SLC17A8: variants seen among roughly 807,000 people sequenced by gnomAD.
The protein encoded by SLC17A8 is solute carrier family 17 member 8, also known as vesicular glutamate transporter 3.
In SLC17A8, 31 loss-of-function variants were observed where a neutral mutation model predicts 58.0. That is an observed-to-expected ratio of 0.53 (90% CI 0.40 to 0.72). The LOEUF is 0.72. Among genes scored for constraint, SLC17A8 ranks in the 30% least tolerant of loss-of-function variants. The probability of loss-of-function intolerance (pLI) is 0.00; values close to 1 mark genes in which losing one functional copy is unlikely to be tolerated. For missense variants in SLC17A8, 655 were observed against 727.8 expected (o/e 0.90, Z 1.15); for synonymous variants, 228 against 249.0 (o/e 0.92, Z 0.79).
intron 9 of SLC17A8, among the ~76,000 whole-genome samples, chr12:100,406,758 A>T (rs1952828672): frequency 6.6e-6 from 1 of 150,574 alleles, no homozygotes; most frequent in Non-Finnish European, 1.5e-5. Flanking sequence ...CTGGTCTCAA[A>T]CTCCTGACCT....
intron 9 of SLC17A8, chr12:100,404,515 C>T (rs1395680767): frequency 4.5e-6 from 1 of 222,390 alleles, no homozygotes; most frequent in Non-Finnish European, 9.2e-6. Flanking sequence ...CACACACACA[C>T]ACACACACAC....
intron 4 of SLC17A8, 138 bp downstream of exon 4, chr12:100,393,621 G>A (rs1363096163): frequency 4.5e-6 from 3 of 666,078 alleles, no homozygotes; most frequent in African/African-American, 1.8e-5. Flanking sequence ...TCCATTCTCT[G>A]GTAATGGCTA....
At chr12:100,386,792 G>A (rs1227520753) in intron 2 of SLC17A8, among the ~76,000 whole-genome samples, 3 of 151,444 alleles carry the variant, frequency 2.0e-5, no homozygotes, top group East Asian at 2.0e-4. Context: ...AGGTTCAAGC[G>A]ATTCTCCTGC....
Position 100,391,131 on chromosome 12 carries a change from T to A in SLC17A8, c.473+12T>A. The A allele has an allele frequency of 6.7e-7, 1 of 1,502,992 alleles. No homozygotes were observed. Among genetic ancestry groups the A allele is most frequent in the Non-Finnish European group, 9.3e-7 (1 of 1,078,980 alleles). The allele number at this position is 1,502,992 out of a possible 1,614,324, so 93.1% of individuals were successfully genotyped here. On this transcript the variant is annotated intron_variant, in intron 3 of 11. Transcript: ENST00000323346. ...TTTGCTGCTAACAGGTAAGATAAAT[T>A]GATATAACATGATACAAACCAATGA...
At chr12:100,380,428 A>G (rs1160272794) in intron 1 of SLC17A8, among the ~76,000 whole-genome samples, 1 of 151,872 alleles carries the variant, frequency 6.6e-6, no homozygotes, top group Non-Finnish European at 1.5e-5. Flanking sequence ...GTTGTTATAA[A>G]ATTTAAATGA....
At chr12:100,374,171 G>A (rs549432331) in intron 1 of SLC17A8, among the ~76,000 whole-genome samples, 2 of 152,168 alleles carry the variant, frequency 1.3e-5, no homozygotes, top group South Asian at 2.1e-4. Context: ...CACAGCTCGC[G>A]TATCAGTGGC....
Position 100,402,627 on chromosome 12 carries a change from C to T in SLC17A8, c.935C>T (p.Thr312Ile). Residue 312 changes from threonine to isoleucine, a missense_variant, in exon 8 of 12, where the codon ACA (threonine) becomes ATA (isoleucine). By Grantham distance (89) the Thr-to-Ile change is moderately conservative (BLOSUM62 -1). Coordinates refer to ENST00000323346, the MANE Select transcript of SLC17A8 (RefSeq NM_139319.3). ...AGTACCCCATGGAAAAGATTTTTCACATCTTTGCCGGTTTATGCAATCATT... is the reference window on the plus strand; with the variant it reads ...AGTACCCCATGGAAAAGATTTTTCATATCTTTGCCGGTTTATGCAATCATT... Reference protein sequence around the residue: ...KFSTPWKRFFTSLPVYAIIVA... With the variant: ...KFSTPWKRFFISLPVYAIIVA... 2 of 1,613,996 alleles carry T rather than the reference C, an allele frequency of 1.2e-6. No homozygotes were observed. Among genetic ancestry groups the T allele is most frequent in the Non-Finnish European group, 1.7e-6 (2 of 1,179,960 alleles).
chr12:100,380,212 A>AAC, intron 1 of SLC17A8, among the ~76,000 whole-genome samples: 4 of 151,838 alleles, frequency 2.6e-5, no homozygotes, highest in African/African-American at 9.7e-5. Context: ...GTCTCAAAAA[A>AAC]AAAAAAAAAG....
rs183138396 is a variant in SLC17A8 at position 100,358,867 on chromosome 12, C to A, written c.101+1375C>A. 1.2e-3 allele frequency among the ~76,000 whole-genome samples: 186 copies of A among 152,262 alleles called. 2 individuals are homozygous for A. Among genetic ancestry groups the A allele is most frequent in the African/African-American group, 4.1e-3 (169 of 41,556 alleles). On this transcript the variant is annotated intron_variant, in intron 1 of 11. Transcript: ENST00000323346. Reference sequence around the variant, plus strand: ...TCAAGAATAAAAACCATAGGCCGGGCGCAGTGGCTCACGCCTGTAATCCCA... The same window carrying A: ...TCAAGAATAAAAACCATAGGCCGGGAGCAGTGGCTCACGCCTGTAATCCCA...
intron 10 of SLC17A8, among the ~76,000 whole-genome samples, chr12:100,413,278 A>G (rs747353984): frequency 6.6e-6 from 1 of 152,204 alleles, no homozygotes; most frequent in Non-Finnish European, 1.5e-5. Flanking sequence ...GTGTCATTAC[A>G]GTCATAGGAT....
intron 1 of SLC17A8, among the ~76,000 whole-genome samples, chr12:100,365,780 C>T (rs552171081): frequency 6.6e-6 from 1 of 152,268 alleles, no homozygotes; most frequent in South Asian, 2.1e-4. Context: ...GAGTACTTGT[C>T]AATTCTTGCT....
rs1044219061 is a variant in SLC17A8, at chr12:100,359,330, C to T, written c.101+1838C>T. 9.9e-5 allele frequency among the ~76,000 whole-genome samples: 15 copies of T among 151,892 alleles called. No individual in the cohort carries two copies. In the Middle Eastern group the frequency reaches 0.01, roughly 103 times the overall value. The stretch of plus-strand genomic sequence containing the variant: ...CAATAGGAATTATTGATCGAAGAGC[C>T]GGTTTTGCTATGTTTGATTGGAGGA... On this transcript the variant is annotated intron_variant, in intron 1 of 11. Coordinates refer to ENST00000323346, the MANE Select transcript of SLC17A8 (RefSeq NM_139319.3).
In SLC17A8 at chr12:100,420,222, C is replaced by G; in HGVS notation, c.*63C>G. 1.4e-6 allele frequency: 2 copies of G among 1,380,748 alleles called. No individual in the cohort carries two copies. The highest frequency in any genetic ancestry group is 2.0e-6 in the Non-Finnish European group (2 of 993,944). 85.5% of individuals were successfully genotyped at this position (1,380,748 alleles called of 1,614,324 possible). A position where few individuals can be genotyped will look rare whatever the true frequency, so the allele number is the denominator to read the frequency against. ...AACAGAAAGTATCCATACCTATTGC[C>G]TTTCTTGTAGCCCAGCTTGCCAGAG... On this transcript the variant is annotated 3_prime_UTR_variant, in exon 12 of 12. Coordinates refer to ENST00000323346, the MANE Select transcript of SLC17A8 (RefSeq NM_139319.3).
At chr12:100,399,436 A>G (rs1269197249) in intron 5 of SLC17A8, among the ~76,000 whole-genome samples, 1 of 152,228 alleles carries the variant, frequency 6.6e-6, no homozygotes, top group Non-Finnish European at 1.5e-5. Flanking sequence ...CTGTTTTCAC[A>G]TAACTATAAA....
intron 5 of SLC17A8, among the ~76,000 whole-genome samples, chr12:100,401,211 C>T (rs764291430): frequency 1.3e-5 from 2 of 151,720 alleles, no homozygotes; most frequent in African/African-American, 2.4e-5. Context: ...GTTGACCAGG[C>T]TGGTCTTGAA....
intron 6 of SLC17A8, 49 bp downstream of exon 6, chr12:100,401,912 T>G: frequency 6.9e-7 from 1 of 1,447,224 alleles, no homozygotes; most frequent in Non-Finnish European, 9.7e-7. Flanking sequence ...AGAGATGGTA[T>G]TTTACTGCAT....
At position 100,357,306 on chromosome 12, in the gene SLC17A8, A is replaced by G. The variant is rs868216479; in HGVS notation, c.-86A>G. On this transcript the variant is annotated 5_prime_UTR_variant, in exon 1 of 12. Coordinates refer to ENST00000323346, the MANE Select transcript of SLC17A8 (RefSeq NM_139319.3). ...GACTTCCAGGTGTTCACCAAGGGAA[A>G]CAAGGTGGTTCTCACACTGGAAATG... 1 of 828,832 alleles carries G rather than the reference A, an allele frequency of 1.2e-6. No homozygotes were observed. Among genetic ancestry groups the G allele is most frequent in the Non-Finnish European group, 2.1e-6 (1 of 465,454 alleles). The allele number at this position is 828,832 out of a possible 1,614,324, so 51.3% of individuals were successfully genotyped here. A position where few individuals can be genotyped will look rare whatever the true frequency, so the allele number is the denominator to read the frequency against.
At chr12:100,409,782 G>T (rs1952853457) in intron 9 of SLC17A8, among the ~76,000 whole-genome samples, 1 of 152,178 alleles carries the variant, frequency 6.6e-6, no homozygotes, top group African/African-American at 2.4e-5. Context: ...GTGAAAATAT[G>T]TACAGGCATG....
chr12:100,393,450 C>A lies in SLC17A8; in HGVS notation c.555C>A (p.Val185=). 2 of 1,613,614 alleles carry A rather than the reference C, an allele frequency of 1.2e-6. No individual in the cohort carries two copies. Among genetic ancestry groups the A allele is most frequent in the South Asian group, 2.2e-5 (2 of 91,030 alleles). Residue 185 remains valine (V), a synonymous_variant, in exon 4 of 12, where the codon GTC becomes GTA. Transcript: ENST00000323346. The part of the protein sequence containing the change: ...PSAARVHYGC[V]MCVRILQGLV... ...CAGCCAGAGTGCATTACGGATGCGT[C>A]ATGTGTGTCAGAATTCTGCAAGGTT...
Sources: allele counts gnomAD v4.1 joint callset (sites outside exome capture counted in the v4.1 genomes callset), GRCh38; gene constraint gnomAD v4.1.1; transcripts MANE v1.5; gene names NCBI Gene and HGNC (gene_info 2026-07-23, HGNC 2026-07-21).